PDE1C: variants seen among roughly 807,000 people sequenced by gnomAD.
PDE1C encodes the protein dual specificity calcium/calmodulin-dependent 3',5'-cyclic nucleotide phosphodiesterase 1C.
A neutral mutation model predicts 93.1 loss-of-function variants in PDE1C; 62 were observed. The observed-to-expected ratio is 0.67, with a 90% CI of 0.54 to 0.82. PDE1C has a LOEUF of 0.82. Ranked by LOEUF, PDE1C falls within the 40% of genes least tolerant of loss-of-function variation. PDE1C has a pLI of 0.00. For synonymous variants in PDE1C, 325 were observed against 310.1 expected (o/e 1.05, Z -0.50); for missense variants, 742 against 884.6 (o/e 0.84, Z 2.04).
At chr7:32,422,416 A>C (rs1399665530) in intron 1 of PDE1C, among the ~76,000 whole-genome samples, 1 of 152,134 alleles carries the variant, frequency 6.6e-6, no homozygotes, top group East Asian at 1.9e-4. Context: ...GGTTTGGGGT[A>C]CAATTGAGCC....
At chr7:31,873,239 G>A in intron 6 of PDE1C, 53 bp downstream of exon 6, 1 of 1,073,172 alleles carries the variant, frequency 9.3e-7, no homozygotes, top group East Asian at 2.4e-5. Context: ...GTCATATGAG[G>A]ATAAACATAT....
At chr7:31,872,622 T>C (rs1324751957) in intron 6 of PDE1C, among the ~76,000 whole-genome samples, 1 of 152,094 alleles carries the variant, frequency 6.6e-6, no homozygotes, top group Non-Finnish European at 1.5e-5. Context: ...AGACTTGTGT[T>C]TTCCAGAGGC....
intron 2 of PDE1C, among the ~76,000 whole-genome samples, chr7:32,014,364 A>G (rs1234046777): frequency 1.3e-5 from 2 of 152,234 alleles, no homozygotes; most frequent in African/African-American, 4.8e-5. Context: ...TAGTTTCTGA[A>G]AAAGTAACAT....
At chr7:32,260,310 T>C (rs930918913) in intron 1 of PDE1C, among the ~76,000 whole-genome samples, 3 of 152,250 alleles carry the variant, frequency 2.0e-5, no homozygotes, top group Non-Finnish European at 2.9e-5. Flanking sequence ...CTCAGCTCTG[T>C]GACCCTGGAA....
chr7:32,108,974 C>A (rs1165038440), intron 3 of PDE1C, among the ~76,000 whole-genome samples: 1 of 152,140 alleles, frequency 6.6e-6, no homozygotes, highest in African/African-American at 2.4e-5. Context: ...GCCTTCACTC[C>A]AGGACTTCAG....
chr7:32,291,806 T>C (rs894057903), intron 1 of PDE1C, among the ~76,000 whole-genome samples: 6 of 152,200 alleles, frequency 3.9e-5, no homozygotes, highest in African/African-American at 9.7e-5. Flanking sequence ...GACTTGAAGC[T>C]CACCTCTTCC....
At chr7:31,797,970 C>T (rs1404421449) in intron 16 of PDE1C, among the ~76,000 whole-genome samples, 2 of 151,640 alleles carry the variant, frequency 1.3e-5, no homozygotes, top group Non-Finnish European at 3.0e-5. Context: ...CAAGATGACC[C>T]ATATCCACTC....
chr7:31,862,007 C>G (rs960631485), intron 7 of PDE1C, among the ~76,000 whole-genome samples: 1 of 152,204 alleles, frequency 6.6e-6, no homozygotes, highest in Non-Finnish European at 1.5e-5. Context: ...TGCCTTACTT[C>G]TGCTCCTTGA....
intron 1 of PDE1C, among the ~76,000 whole-genome samples, chr7:32,212,621 C>G (rs775499385): frequency 1.2e-4 from 18 of 152,168 alleles, no homozygotes; most frequent in Middle Eastern, 3.2e-3. Context: ...ATCCCACACA[C>G]GCCCTTCACA....
intron 2 of PDE1C, among the ~76,000 whole-genome samples, chr7:32,013,864 G>A (rs1165102699): frequency 6.6e-6 from 1 of 152,218 alleles, no homozygotes; most frequent in Non-Finnish European, 1.5e-5. Context: ...TCTTTGAAGA[G>A]GAACCTCTAC....
At chr7:32,205,103 T>A (rs1805332588) in intron 2 of PDE1C, among the ~76,000 whole-genome samples, 1 of 152,198 alleles carries the variant, frequency 6.6e-6, no homozygotes, top group African/African-American at 2.4e-5. Context: ...GTGCTTCATA[T>A]AATGAATTCC....
the PDE1C span, chr7:31,652,536 G>A: frequency 2.5e-6 from 4 of 1,602,046 alleles, no homozygotes; most frequent in Non-Finnish European, 3.4e-6. Flanking sequence ...GGTTCTCACA[G>A]CAGAGCCACC....
intron 1 of PDE1C, among the ~76,000 whole-genome samples, chr7:32,416,982 T>C (rs1004854500): frequency 7.9e-5 from 12 of 152,028 alleles, no homozygotes; most frequent in Non-Finnish European, 4.4e-5. Flanking sequence ...GAGCTAGCCA[T>C]AAACACCCAC....
chr7:32,375,609 T>C (rs1784420203), intron 1 of PDE1C, among the ~76,000 whole-genome samples: 1 of 152,208 alleles, frequency 6.6e-6, no homozygotes, highest in Middle Eastern at 3.2e-3. Context: ...CAAAGAATTC[T>C]ACCCAAAATG....
intron 6 of PDE1C, among the ~76,000 whole-genome samples, chr7:31,868,025 T>C (rs1410070520): frequency 7.2e-5 from 11 of 152,218 alleles, no homozygotes; most frequent in Admixed American, 5.2e-4. Context: ...ACCAACATCA[T>C]AGATACTTCT....
At chr7:31,617,296 G>A in the PDE1C span, among the ~76,000 whole-genome samples, 1 of 151,532 alleles carries the variant, frequency 6.6e-6, no homozygotes, top group Non-Finnish European at 1.5e-5. Flanking sequence ...AATATAAATG[G>A]GTTTCTCAAC....
intron 1 of PDE1C, among the ~76,000 whole-genome samples, chr7:32,419,937 G>T (rs1401749854): frequency 6.7e-6 from 1 of 150,098 alleles, no homozygotes; most frequent in Non-Finnish European, 1.5e-5. Context: ...TAAAAATGGG[G>T]TAATAGGCTG....
intron 16 of PDE1C, among the ~76,000 whole-genome samples, chr7:31,780,317 A>C (rs1214235541): frequency 1.3e-5 from 2 of 152,182 alleles, no homozygotes; most frequent in Non-Finnish European, 2.9e-5. Flanking sequence ...ACGGATGTGA[A>C]TCTTGTAAAT....
At chr7:32,397,137 C>G (rs753559593) in intron 1 of PDE1C, among the ~76,000 whole-genome samples, 1 of 152,060 alleles carries the variant, frequency 6.6e-6, no homozygotes, top group Non-Finnish European at 1.5e-5. Context: ...TTTTACTATA[C>G]TGAAATATAC....
Sources: gnomAD v4.1 joint callset for allele counts (sites outside exome capture counted in the v4.1 genomes callset) on GRCh38, gnomAD v4.1.1 for gene constraint, MANE v1.5 for transcripts, NCBI Gene and HGNC (gene_info 2026-07-23, HGNC 2026-07-21) for gene names.